The following GRID2 variants were observed in gnomAD, a reference collection of about 807,000 sequenced individuals.
The protein encoded by GRID2 is glutamate receptor ionotropic, delta-2.
A neutral mutation model predicts 114.8 loss-of-function variants in GRID2; 33 were observed. The ratio of observed to expected loss-of-function variants is 0.29; its 90% CI spans 0.22 to 0.38. The LOEUF is 0.38. Ranked by LOEUF, GRID2 falls within the 10% of genes least tolerant of loss-of-function variation. The pLI, the probability that GRID2 is intolerant of heterozygous loss-of-function variation, is 1.00. For missense variants in GRID2, 1,184 were observed against 1,257.7 expected, an observed-to-expected ratio of 0.94 and a Z score of 0.89; for synonymous variants, 505 against 449.9, an observed-to-expected ratio of 1.12 and a Z score of -1.55.
At chr4:92,607,565 T>C (rs374382060) in intron 2 of GRID2, among the ~76,000 whole-genome samples, 7 of 151,852 alleles carry the variant, frequency 4.6e-5, no homozygotes, top group African/African-American at 7.2e-5. Context: ...CCTAGAATAA[T>C]AATGAGAAAG....
chr4:93,544,411 T>C (rs1235786052), intron 13 of GRID2, among the ~76,000 whole-genome samples: 1 of 152,170 alleles, frequency 6.6e-6, no homozygotes, highest in East Asian at 1.9e-4. Context: ...TACCAATTAT[T>C]GAACAGATAT....
intron 8 of GRID2, among the ~76,000 whole-genome samples, chr4:93,321,278 A>T (rs1301185890): frequency 6.6e-6 from 1 of 152,044 alleles, no homozygotes; most frequent in African/African-American, 2.4e-5. Context: ...TAGCTGGTAA[A>T]CATACAGGAT....
chr4:92,626,615 G>A (rs1365675215), intron 2 of GRID2, among the ~76,000 whole-genome samples: 1 of 152,050 alleles, frequency 6.6e-6, no homozygotes, highest in East Asian at 1.9e-4. Context: ...GTATAGTGCA[G>A]AGGAAATAAA....
chr4:93,529,310 C>G (rs920643226), intron 13 of GRID2, among the ~76,000 whole-genome samples: 5 of 152,158 alleles, frequency 3.3e-5, no homozygotes, highest in African/African-American at 7.2e-5. Flanking sequence ...CTGAGAATCA[C>G]TCTTCTGGGT....
intron 1 of GRID2, among the ~76,000 whole-genome samples, chr4:92,523,763 CAG>C (rs901116116): frequency 5.2e-4 from 79 of 152,026 alleles, no homozygotes; most frequent in African/African-American, 1.9e-3. Flanking sequence ...GGGCTGTGTA[CAG>C]AGTCAGGTGA....
chr4:93,391,942 A>C (rs901243692), intron 8 of GRID2, among the ~76,000 whole-genome samples: 3 of 152,190 alleles, frequency 2.0e-5, no homozygotes, highest in Non-Finnish European at 4.4e-5. Context: ...TTAAGGTCTT[A>C]AAATGACAGA....
chr4:92,840,800 G>T (rs1742834544), intron 2 of GRID2, among the ~76,000 whole-genome samples: 1 of 151,988 alleles, frequency 6.6e-6, no homozygotes, highest in African/African-American at 2.4e-5. Flanking sequence ...ATAGTTCAAA[G>T]AAATATTTGA....
intron 10 of GRID2, among the ~76,000 whole-genome samples, chr4:93,430,712 C>T (rs1352808077): frequency 6.6e-6 from 1 of 152,172 alleles, no homozygotes; most frequent in Admixed American, 6.5e-5. Flanking sequence ...AGAGGTTAAA[C>T]TAGACACTTA....
intron 2 of GRID2, among the ~76,000 whole-genome samples, chr4:92,962,010 C>G (rs1226208400): frequency 4.6e-5 from 7 of 151,772 alleles, no homozygotes; most frequent in Non-Finnish European, 1.0e-4. Context: ...TCTAGAATTT[C>G]TTTTTGTTTC....
chr4:92,961,565 T>C (rs925866167), intron 2 of GRID2, among the ~76,000 whole-genome samples: 2 of 151,654 alleles, frequency 1.3e-5, no homozygotes, highest in Non-Finnish European at 2.9e-5. Flanking sequence ...GAGTGCTTTT[T>C]TTCTTTCTCT....
In GRID2 at chr4:92,726,275, G is replaced by A. The variant is rs377575801; in HGVS notation, c.244+135989G>A. On this transcript the variant is annotated intron_variant, in intron 2 of 15. Transcript: ENST00000282020. ...TTCTACAGATTATAAAATCCTATGT[G>A]CAGGCATTAAGTTTATTACACCAGC... 3.6e-4 allele frequency among the ~76,000 whole-genome samples: 55 copies of A among 152,178 alleles called. No homozygotes were observed. The South Asian group carries it at 9.8e-3, about 27-fold the overall frequency.
chr4:93,125,333 A>T (rs1734166181), intron 4 of GRID2, among the ~76,000 whole-genome samples: 1 of 151,996 alleles, frequency 6.6e-6, no homozygotes, highest in Non-Finnish European at 1.5e-5. Context: ...ATACACAAAT[A>T]AATGTAGAAG....
intron 2 of GRID2, among the ~76,000 whole-genome samples, chr4:92,836,058 A>C (rs1742433132): frequency 1.3e-5 from 2 of 152,158 alleles, no homozygotes; most frequent in African/African-American, 4.8e-5. Context: ...AGTCAAATAC[A>C]ACCAGTATCT....
At chr4:92,501,061 GCCAA>G (rs1440343520) in intron 1 of GRID2, among the ~76,000 whole-genome samples, 1 of 152,108 alleles carries the variant, frequency 6.6e-6, no homozygotes, top group Non-Finnish European at 1.5e-5. Flanking sequence ...CAGATGCTCT[GCCAA>G]CCCCTGAAGA....
intron 2 of GRID2, among the ~76,000 whole-genome samples, chr4:93,032,428 T>A (rs1724524478): frequency 6.6e-6 from 1 of 152,114 alleles, no homozygotes; most frequent in Non-Finnish European, 1.5e-5. Flanking sequence ...AGATTTTTTT[T>A]AAAGAAATAA....
intron 13 of GRID2, among the ~76,000 whole-genome samples, chr4:93,594,326 G>A (rs1190760721): frequency 5.3e-5 from 8 of 152,300 alleles, no homozygotes; most frequent in East Asian, 1.9e-4. Flanking sequence ...TGAGGTGTCA[G>A]TGTGCCCCTG....
At chr4:93,747,514 T>A (rs1731942925) in intron 14 of GRID2, among the ~76,000 whole-genome samples, 1 of 152,142 alleles carries the variant, frequency 6.6e-6, no homozygotes, top group Non-Finnish European at 1.5e-5. Flanking sequence ...TGTAGTTGCA[T>A]GTAAAAATTG....
chr4:93,413,249 C>T (rs1041969609), intron 9 of GRID2, among the ~76,000 whole-genome samples: 7 of 152,178 alleles, frequency 4.6e-5, no homozygotes, highest in Non-Finnish European at 1.0e-4. Flanking sequence ...CACAGCCTTG[C>T]CAGCATCTGC....
chr4:92,938,486 A>T (rs2149531024), intron 2 of GRID2, among the ~76,000 whole-genome samples: 1 of 146,898 alleles, frequency 6.8e-6, no homozygotes, highest in Admixed American at 7.4e-5. Flanking sequence ...ATCTCTTTAA[A>T]TTGAGATGGT....
Sources: allele counts gnomAD v4.1 joint callset (sites outside exome capture counted in the v4.1 genomes callset), GRCh38; gene constraint gnomAD v4.1.1; transcripts MANE v1.5; gene names NCBI Gene and HGNC (gene_info 2026-07-23, HGNC 2026-07-21).